Variants in RPF1 observed in about 807,000 individuals in gnomAD.
RPF1 encodes ribosome production factor 1.
RPF1 carries 34 observed loss-of-function variants against 41.9 expected under a neutral mutation model. The observed-to-expected ratio is 0.81, with a 90% CI of 0.62 to 1.08. The LOEUF is 1.08. Ranked by LOEUF, RPF1 falls within the 50% of genes least tolerant of loss-of-function variation. RPF1 has a pLI of 0.00. For missense variants in RPF1, 425 were observed against 435.2 expected (o/e 0.98, Z 0.21); for synonymous variants, 140 against 148.9 (o/e 0.94, Z 0.43).
At chr1:84,482,338 G>A (rs540752877) in intron 2 of RPF1, among the ~76,000 whole-genome samples, 3 of 152,248 alleles carry the variant, frequency 2.0e-5, no homozygotes, top group East Asian at 3.9e-4. Context: ...TTGATGTACT[G>A]TAGTATGTTT....
intron 2 of RPF1, among the ~76,000 whole-genome samples, chr1:84,482,588 A>G (rs914853106): frequency 1.3e-5 from 2 of 151,238 alleles, no homozygotes; most frequent in Non-Finnish European, 3.0e-5. Context: ...TTTTTCTTTT[A>G]TTTTTCTCCT....
chr1:84,486,174 A>G (rs568694409), intron 3 of RPF1, among the ~76,000 whole-genome samples: 14 of 152,290 alleles, frequency 9.2e-5, no homozygotes, highest in Admixed American at 4.6e-4. Context: ...AGAGAATTGT[A>G]GAAGAGGTCC....
At chr1:84,495,301 G>C (rs926648555) in intron 5 of RPF1, 72 bp from the exon 6 acceptor site, 2 of 775,738 alleles carry the variant, frequency 2.6e-6, no homozygotes, top group African/African-American at 3.6e-5. Context: ...TTTGGATGTA[G>C]AGGACCAGTT....
chr1:84,490,443 T>C lies in RPF1; in HGVS notation c.587T>C (p.Ile196Thr), dbSNP rs776866910. The change falls in exon 5 of 9, where the codon ATT (isoleucine) becomes ACT (threonine). Residue 196 changes from isoleucine to threonine, a missense_variant. By Grantham distance (89) the Ile-to-Thr change is moderately conservative (BLOSUM62 -1). Coordinates refer to ENST00000370654, the MANE Select transcript of RPF1 (RefSeq NM_025065.7). ...ATCGCAAGAGATTTCACAGACCTGA[T>C]TGTTATTAATGAAGATCGTAAAACC... is the stretch of plus-strand genomic sequence containing the variant. Reference protein sequence around the residue: ...QCIARDFTDLIVINEDRKTPN... With the variant: ...QCIARDFTDLTVINEDRKTPN... 2.5e-6 allele frequency: 4 copies of C among 1,602,308 alleles called. No individual in the cohort carries two copies.
intron 5 of RPF1, among the ~76,000 whole-genome samples, chr1:84,491,761 AGAAG>A (rs1681839504): frequency 6.6e-6 from 1 of 152,232 alleles, no homozygotes; most frequent in African/African-American, 2.4e-5. Context: ...AACTCTGCTA[AGAAG>A]CAGGCATTCA....
At chr1:84,479,590 T>C in intron 1 of RPF1, 81 bp downstream of exon 1, 1 of 1,331,782 alleles carries the variant, frequency 7.5e-7, no homozygotes, top group Non-Finnish European at 1.1e-6. Context: ...CATCTGTGGT[T>C]GTCTGCTGGT....
chr1:84,485,032 T>C (rs1681713027), intron 3 of RPF1, among the ~76,000 whole-genome samples: 1 of 152,190 alleles, frequency 6.6e-6, no homozygotes, highest in Admixed American at 6.5e-5. Flanking sequence ...ATGAGGTATC[T>C]TGATGATTGG....
intron 5 of RPF1, among the ~76,000 whole-genome samples, chr1:84,493,441 A>G (rs1274341220): frequency 1.3e-5 from 2 of 151,740 alleles, no homozygotes; most frequent in Non-Finnish European, 2.9e-5. Context: ...CCCTTTCTCT[A>G]CAAAAATTAG....
At chr1:84,486,767 T>C (rs953218410) in intron 3 of RPF1, among the ~76,000 whole-genome samples, 7 of 151,958 alleles carry the variant, frequency 4.6e-5, no homozygotes, top group Non-Finnish European at 1.0e-4. Flanking sequence ...GTAGTTACAA[T>C]GAAAGTGGTG....
intron 3 of RPF1, among the ~76,000 whole-genome samples, chr1:84,483,850 G>C (rs1377619160): frequency 6.6e-6 from 1 of 152,048 alleles, no homozygotes; most frequent in African/African-American, 2.4e-5. Context: ...CATATCTCCT[G>C]GTATAGTCAT....
chr1:84,494,152 T>C (rs971416406), intron 5 of RPF1, among the ~76,000 whole-genome samples: 1 of 152,178 alleles, frequency 6.6e-6, no homozygotes, highest in African/African-American at 2.4e-5. Context: ...GAGATGTACT[T>C]GAGATGGTGA....
At chr1:84,493,773 A>T (rs1681880720) in intron 5 of RPF1, among the ~76,000 whole-genome samples, 1 of 152,204 alleles carries the variant, frequency 6.6e-6, no homozygotes, top group Admixed American at 6.5e-5. Context: ...TAGATGAGTA[A>T]AACGTTGCAG....
At position 84,480,982 on chromosome 1, in the gene RPF1, TAAAAA is replaced by T. The variant is rs777451587; in HGVS notation, c.257_261del (p.Lys86ArgfsTer8). On this transcript the variant is annotated frameshift_variant, in exon 2 of 9. Transcript: ENST00000370654. LOFTEE classifies it high-confidence loss of function. ...AAAAGTTGGCAGCTAAGAAAAAACTTAAAAAAGAAAGAGAGGCTCTTGGCGATAAG... is the reference window on the plus strand; with the variant it reads ...AAAAGTTGGCAGCTAAGAAAAAACTTAGAAAGAGAGGCTCTTGGCGATAAG... 5 of 1,596,076 alleles carry T rather than the reference TAAAAA, an allele frequency of 3.1e-6. No homozygotes were observed. Among genetic ancestry groups the T allele is most frequent in the East Asian group, 2.2e-5 (1 of 44,620 alleles).
At chr1:84,491,064 G>A (rs1314793364) in intron 5 of RPF1, among the ~76,000 whole-genome samples, 2 of 152,112 alleles carry the variant, frequency 1.3e-5, no homozygotes, top group Non-Finnish European at 2.9e-5. Flanking sequence ...AGTTTTTGAG[G>A]TAGAGACTTG....
At chr1:84,492,891 G>A (rs1411702755) in intron 5 of RPF1, among the ~76,000 whole-genome samples, 1 of 152,160 alleles carries the variant, frequency 6.6e-6, no homozygotes, top group African/African-American at 2.4e-5. Context: ...GCTTAAGCTA[G>A]GTGCAGTCCC....
intron 5 of RPF1, among the ~76,000 whole-genome samples, chr1:84,494,549 T>G (rs879843689): frequency 6.6e-6 from 1 of 152,194 alleles, no homozygotes; most frequent in Non-Finnish European, 1.5e-5. Flanking sequence ...GTAATGCCAT[T>G]AAGCAATAGC....
At chr1:84,496,440 A>C (rs1376306288) in intron 8 of RPF1, 70 bp downstream of exon 8, 9 of 1,372,912 alleles carry the variant, frequency 6.6e-6, no homozygotes, top group African/African-American at 5.8e-5. Context: ...GAGGAGAGAG[A>C]GCATCAGGAA....
intron 3 of RPF1, among the ~76,000 whole-genome samples, chr1:84,489,115 T>G (rs1034626670): frequency 2.0e-5 from 3 of 152,182 alleles, no homozygotes; most frequent in African/African-American, 7.2e-5. Flanking sequence ...CTGTATTTAT[T>G]GATTTGCTCA....
intron 8 of RPF1, 106 bp from the exon 9 acceptor site, chr1:84,497,323 G>T: frequency 2.3e-6 from 2 of 868,164 alleles, no homozygotes; most frequent in Non-Finnish European, 1.8e-6. Flanking sequence ...CAGCACTAGT[G>T]TTACTTATGA....
Sources: allele counts gnomAD v4.1 joint callset (sites outside exome capture counted in the v4.1 genomes callset), GRCh38; gene constraint gnomAD v4.1.1; transcripts MANE v1.5; gene names NCBI Gene and HGNC (gene_info 2026-07-23, HGNC 2026-07-21).